The following FHOD3 variants were observed in gnomAD, a reference collection of about 807,000 sequenced individuals.
FHOD3 encodes FH1/FH2 domain-containing protein 3.
FHOD3 carries 90 observed loss-of-function variants against 173.0 expected under a neutral mutation model. The ratio of observed to expected loss-of-function variants is 0.52; its 90% CI spans 0.44 to 0.62. The LOEUF (loss-of-function observed/expected upper bound fraction) is 0.62, where lower values mean the gene tolerates loss of function less well. Among genes scored for constraint, FHOD3 ranks in the 20% least tolerant of loss-of-function variants. FHOD3 has a pLI of 0.00. For synonymous variants in FHOD3, 828 were observed against 823.0 expected (o/e 1.01, Z -0.10); for missense variants, 1,945 against 2,034.7 (o/e 0.96, Z 0.85).
At position 36,771,101 on chromosome 18, in the gene FHOD3, C is replaced by G. The variant is rs536321300; in HGVS notation, c.4786+1675C>G. Among the ~76,000 whole-genome samples, 6 of 152,270 alleles carry G rather than the reference C, an allele frequency of 3.9e-5. No homozygotes were observed. The South Asian group carries it at 1.2e-3, about 32-fold the overall frequency. ...GTCTCCTGGTGCACTTGTGAAAGAA[C>G]TTGGCTAGGGGCTCGCAACTCAAAG... On this transcript the variant is annotated intron_variant, in intron 28 of 28. Coordinates refer to ENST00000590592, the MANE Select transcript of FHOD3 (RefSeq NM_001281740.3).
At position 36,747,116 on chromosome 18, in the gene FHOD3, C is replaced by T. The variant is rs1260948416; in HGVS notation, c.4213C>T (p.His1405Tyr). ...GCGAATTATAATTTTAAAGATTGTC[C>T]ATAGAAGGATAATCAACAGGTAAGT... is the stretch of plus-strand genomic sequence containing the variant. ...AERIIILKIV[H>Y]RRIINRFHSF... The change falls in exon 24 of 29, where the codon CAT (histidine) becomes TAT (tyrosine). Residue 1405 changes from histidine to tyrosine, a missense_variant. Around this residue, in one of 5 missense-constraint regions of FHOD3, gnomAD observed 354 missense variants for 359.9 expected, o/e 0.98. Transcript: ENST00000590592. 3 of 1,610,616 alleles carry T rather than the reference C, an allele frequency of 1.9e-6. No individual in the cohort carries two copies. Among genetic ancestry groups the T allele is most frequent in the Non-Finnish European group, 2.5e-6 (3 of 1,178,600 alleles).
chr18:36,670,212 G>T (rs2037440278), intron 14 of FHOD3, among the ~76,000 whole-genome samples: 1 of 152,062 alleles, frequency 6.6e-6, no homozygotes, highest in African/African-American at 2.4e-5. Context: ...ATGCCTTGGT[G>T]TAGTTTTTTC....
intron 16 of FHOD3, among the ~76,000 whole-genome samples, chr18:36,691,756 CA>C (rs1266238747): frequency 6.6e-6 from 1 of 152,236 alleles, no homozygotes; most frequent in Non-Finnish European, 1.5e-5. Flanking sequence ...TCCTGGGCTG[CA>C]GGTGGACCTC....
chr18:36,364,209 C>A (rs954343965), intron 2 of FHOD3, among the ~76,000 whole-genome samples: 1 of 151,650 alleles, frequency 6.6e-6, no homozygotes, highest in Non-Finnish European at 1.5e-5. Flanking sequence ...CCCAATGTGG[C>A]AGTTTAAATA....
At chr18:36,346,392 A>G (rs934710843) in intron 1 of FHOD3, among the ~76,000 whole-genome samples, 7 of 152,092 alleles carry the variant, frequency 4.6e-5, no homozygotes, top group African/African-American at 1.7e-4. Context: ...CTGAAAAACC[A>G]AAAACCAGAT....
intron 28 of FHOD3, 127 bp downstream of exon 28, chr18:36,769,553 C>T (rs2043284338): frequency 3.2e-6 from 4 of 1,247,512 alleles, no homozygotes; most frequent in Non-Finnish European, 4.4e-6. Flanking sequence ...TGCCTACTTG[C>T]ACTCATCCAC....
intron 6 of FHOD3, among the ~76,000 whole-genome samples, chr18:36,581,054 A>G (rs537038009): frequency 6.6e-6 from 1 of 152,374 alleles, no homozygotes; most frequent in South Asian, 2.1e-4. Context: ...TCATTATGCA[A>G]TGCATATTTG....
chr18:36,611,892 CT>C (rs2032715376), intron 8 of FHOD3, 59 bp from the exon 9 acceptor site: 2 of 1,522,882 alleles, frequency 1.3e-6, no homozygotes, highest in African/African-American at 2.8e-5. Context: ...GGAAAATGCC[CT>C]GAGAGCCTCA....
chr18:36,559,906 C>G (rs753890908), intron 5 of FHOD3, among the ~76,000 whole-genome samples: 2 of 152,142 alleles, frequency 1.3e-5, no homozygotes, highest in Non-Finnish European at 2.9e-5. Context: ...TTAACTGCCA[C>G]TCTTGACCCT....
At chr18:36,366,309 A>T (rs1428539812) in intron 2 of FHOD3, among the ~76,000 whole-genome samples, 2 of 152,186 alleles carry the variant, frequency 1.3e-5, no homozygotes, top group Admixed American at 1.3e-4. Flanking sequence ...GAAGCAAGAG[A>T]CATACAGAAA....
intron 10 of FHOD3, among the ~76,000 whole-genome samples, chr18:36,631,976 C>G (rs997078734): frequency 6.6e-5 from 10 of 152,108 alleles, no homozygotes; most frequent in African/African-American, 1.7e-4. Flanking sequence ...TACCATGATG[C>G]TGTCATACAT....
At chr18:36,363,343 C>T (rs1473912907) in intron 2 of FHOD3, among the ~76,000 whole-genome samples, 3 of 152,174 alleles carry the variant, frequency 2.0e-5, no homozygotes, top group Non-Finnish European at 4.4e-5. Context: ...AAAGCCTGCA[C>T]GTATTTTCAC....
chr18:36,400,975 T>A (rs1598973532), intron 3 of FHOD3, among the ~76,000 whole-genome samples: 1 of 152,210 alleles, frequency 6.6e-6, no homozygotes, highest in Admixed American at 6.5e-5. Context: ...GTGCCTTTTA[T>A]GTGAAAGTGC....
At chr18:36,564,641 C>T (rs189755616) in intron 5 of FHOD3, among the ~76,000 whole-genome samples, 208 of 152,264 alleles carry the variant, frequency 1.4e-3, no homozygotes, top group African/African-American at 4.8e-3. Flanking sequence ...AGCTTAGCTA[C>T]ATAATGTCCT....
At chr18:36,308,157 G>T (rs1398443306) in intron 1 of FHOD3, among the ~76,000 whole-genome samples, 1 of 152,152 alleles carries the variant, frequency 6.6e-6, no homozygotes, top group Non-Finnish European at 1.5e-5. Context: ...GGAGGTTTAG[G>T]TAGTTGCCAA....
At chr18:36,527,336 G>A (rs1224921215) in intron 5 of FHOD3, among the ~76,000 whole-genome samples, 1 of 152,170 alleles carries the variant, frequency 6.6e-6, no homozygotes, top group Non-Finnish European at 1.5e-5. Flanking sequence ...CTTAAGAAGG[G>A]ATTTAATTAA....
At chr18:36,472,451 A>G (rs2053336299) in intron 3 of FHOD3, among the ~76,000 whole-genome samples, 1 of 152,200 alleles carries the variant, frequency 6.6e-6, no homozygotes, top group African/African-American at 2.4e-5. Flanking sequence ...AAAGTGTGCA[A>G]TTCAGTGGTT....
At chr18:36,496,989 AT>A (rs1471496035) in intron 3 of FHOD3, among the ~76,000 whole-genome samples, 1 of 152,212 alleles carries the variant, frequency 6.6e-6, no homozygotes, top group Non-Finnish European at 1.5e-5. Context: ...TTTTATATAG[AT>A]TAGCTGTTCT....
chr18:36,758,711 T>A (rs2042736507), intron 25 of FHOD3, among the ~76,000 whole-genome samples: 1 of 152,198 alleles, frequency 6.6e-6, no homozygotes, highest in African/African-American at 2.4e-5. Context: ...GGGGCCTTGA[T>A]GACTGTCAGG....
Sources: allele counts gnomAD v4.1 joint callset (sites outside exome capture counted in the v4.1 genomes callset), GRCh38; gene constraint gnomAD v4.1.1; regional missense constraint gnomAD v4.1.1; transcripts MANE v1.5; gene names NCBI Gene and HGNC (gene_info 2026-07-23, HGNC 2026-07-21).